The following TRIM44 variants were observed in gnomAD, a reference collection of about 807,000 sequenced individuals.
The protein encoded by TRIM44 is tripartite motif containing 44.
TRIM44 carries 13 observed loss-of-function variants against 37.4 expected under a neutral mutation model. The observed-to-expected ratio is 0.35, with a 90% confidence interval of 0.23 to 0.55. TRIM44 has a LOEUF of 0.55. TRIM44 is among the 20% of genes least tolerant of loss of function. The pLI, the probability that TRIM44 is intolerant of heterozygous loss-of-function variation, is 0.89. For missense variants in TRIM44, 426 were observed against 437.2 expected (o/e 0.97, Z 0.23); for synonymous variants, 175 against 157.2 (o/e 1.11, Z -0.85).
chr11:35,798,635 G>T (rs1853325893), intron 4 of TRIM44, among the ~76,000 whole-genome samples: 1 of 152,198 alleles, frequency 6.6e-6, no homozygotes, highest in African/African-American at 2.4e-5. Context: ...CATCCACAAT[G>T]ATGTGTGTCA....
At chr11:35,708,920 AAAAT>A (rs927735130) in intron 2 of TRIM44, among the ~76,000 whole-genome samples, 8 of 151,936 alleles carry the variant, frequency 5.3e-5, no homozygotes, top group African/African-American at 1.7e-4. Context: ...ATAATAATAA[AAAAT>A]AAATAAAAAA....
At chr11:35,796,948 G>A (rs1853300687) in intron 4 of TRIM44, among the ~76,000 whole-genome samples, 1 of 152,220 alleles carries the variant, frequency 6.6e-6, no homozygotes, top group African/African-American at 2.4e-5. Context: ...GGGAAAATGG[G>A]CATTCCTGTG....
chr11:35,775,892 T>C (rs573336316), intron 4 of TRIM44, among the ~76,000 whole-genome samples: 383 of 152,354 alleles, frequency 2.5e-3, no homozygotes, highest in Non-Finnish European at 4.6e-3. Context: ...TTGAGGATTT[T>C]TGCATCGATG....
At chr11:35,697,530 G>A (rs1443522416) in intron 2 of TRIM44, among the ~76,000 whole-genome samples, 1 of 150,136 alleles carries the variant, frequency 6.7e-6, no homozygotes, top group Non-Finnish European at 1.5e-5. Context: ...GTATACATGT[G>A]CCACGTTGGT....
rs1851284574 is a variant in TRIM44 at position 35,662,845 on chromosome 11, C to A, written c.-267C>A. ...GGCGCGACGCGGGGGCCGACGGGGG[C>A]GCCGGGTGGCCGCGCCGGAAGTGCC... On this transcript the variant is annotated 5_prime_UTR_variant, in exon 1 of 5. Transcript: ENST00000299413. 1 of 359,926 alleles carries A rather than the reference C, an allele frequency of 2.8e-6. No individual in the cohort carries two copies. The highest frequency in any genetic ancestry group is 4.6e-6 in the Non-Finnish European group (1 of 219,118). 22.3% of individuals were successfully genotyped at this position (359,926 alleles called of 1,614,324 possible).
chr11:35,664,285 C>A (rs1398413165), intron 1 of TRIM44, among the ~76,000 whole-genome samples: 1 of 152,162 alleles, frequency 6.6e-6, no homozygotes, highest in African/African-American at 2.4e-5. Context: ...TTAGATTCTT[C>A]GTGTTTGAAA....
At chr11:35,677,859 C>T (rs1851476696) in intron 1 of TRIM44, among the ~76,000 whole-genome samples, 1 of 152,070 alleles carries the variant, frequency 6.6e-6, no homozygotes, top group South Asian at 2.1e-4. Context: ...AATAAACAAA[C>T]TGGGGAAGGA....
At chr11:35,697,398 C>A (rs1297912971) in intron 2 of TRIM44, among the ~76,000 whole-genome samples, 7 of 145,736 alleles carry the variant, frequency 4.8e-5, no homozygotes, top group African/African-American at 1.3e-4. Context: ...TAAACTCATC[C>A]TTTTTTATGG....
At position 35,774,396 on chromosome 11, in the gene TRIM44, A is replaced by G. The variant is rs181102513; in HGVS notation, c.1008-31962A>G. 1.6e-3 allele frequency among the ~76,000 whole-genome samples: 249 copies of G among 152,138 alleles called. 1 individual carries two copies. The highest frequency in any genetic ancestry group is 0.012 in the South Asian group (59 of 4,824). ...CCTTGTCAGATGGGTAGATTGTAAA[A>G]ATTTTCTCCCATTCTGTAGGTTGCC... On this transcript the variant is annotated intron_variant, in intron 4 of 4. Coordinates refer to ENST00000299413, the MANE Select transcript of TRIM44 (RefSeq NM_017583.6).
rs1217123594 is a variant in TRIM44, at chr11:35,707,614, C to T, written c.748-18310C>T. Among the ~76,000 whole-genome samples the T allele has an allele frequency of 7.4e-5, 11 of 147,748 alleles. 1 individual carries two copies. On this transcript the variant is annotated intron_variant, in intron 2 of 4. Coordinates refer to ENST00000299413, the MANE Select transcript of TRIM44 (RefSeq NM_017583.6). ...AGCCCTCAGAAATAACGCCGCATAT[C>T]TACAACTATCTGTTCTTTGACAAAC...
At chr11:35,667,978 G>A (rs1347650847) in intron 1 of TRIM44, among the ~76,000 whole-genome samples, 1 of 152,096 alleles carries the variant, frequency 6.6e-6, no homozygotes, top group African/African-American at 2.4e-5. Context: ...ATAGTCTGAG[G>A]CAGAGTGTAG....
In TRIM44 at chr11:35,709,375, C is replaced by G. The variant is rs528196242; in HGVS notation, c.748-16549C>G. ...TCTCAGATTCCCTTGATTAACCTAG[C>G]CAATGATTTTTCCTACCTAAGTGGG... On this transcript the variant is annotated intron_variant, in intron 2 of 4. Transcript: ENST00000299413. Among the ~76,000 whole-genome samples the G allele has an allele frequency of 4.1e-4, 62 of 152,172 alleles. 1 individual carries two copies. The South Asian group carries it at 0.013, about 31-fold the overall frequency.
rs938420433 is a variant in TRIM44, at chr11:35,725,820, A to T, written c.748-104A>T. On this transcript the variant is annotated intron_variant, in intron 2 of 4. Transcript: ENST00000299413. ...TATTCCCAAAACTTTAGGATTGGATAGGATCCATGGTGTGTATTTTGGCCA... is the reference window on the plus strand; with the variant it reads ...TATTCCCAAAACTTTAGGATTGGATTGGATCCATGGTGTGTATTTTGGCCA... The T allele has an allele frequency of 1.9e-5, 22 of 1,159,976 alleles. No homozygotes were observed. In the Admixed American group the frequency reaches 3.6e-4, roughly 19 times the overall value. 71.9% of individuals were successfully genotyped at this position (1,159,976 alleles called of 1,614,324 possible). A position where few individuals can be genotyped will look rare whatever the true frequency, so the allele number is the denominator to read the frequency against.
chr11:35,702,614 G>T (rs145937808), intron 2 of TRIM44, among the ~76,000 whole-genome samples: 1,992 of 152,294 alleles, frequency 0.013, 143 homozygotes, highest in Admixed American at 0.11. Context: ...GAACTTTCTG[G>T]TGTTGCCATG....
At chr11:35,740,931 C>CT (rs577836040) in intron 4 of TRIM44, among the ~76,000 whole-genome samples, 9 of 152,014 alleles carry the variant, frequency 5.9e-5, no homozygotes, top group Non-Finnish European at 1.0e-4. Flanking sequence ...ATTCTAGGTA[C>CT]TTTTTTTCCC....
intron 2 of TRIM44, among the ~76,000 whole-genome samples, chr11:35,705,103 G>A (rs1429910433): frequency 1.3e-5 from 2 of 148,310 alleles, no homozygotes; most frequent in African/African-American, 2.5e-5. Context: ...AAAGGCAGGG[G>A]TTGCAATCCT....
chr11:35,786,487 C>T (rs942554989), intron 4 of TRIM44, among the ~76,000 whole-genome samples: 1 of 152,202 alleles, frequency 6.6e-6, no homozygotes, highest in Admixed American at 6.5e-5. Flanking sequence ...ACTACTACCA[C>T]CTCATTAACC....
chr11:35,719,638 C>CT (rs2135512529), intron 2 of TRIM44, among the ~76,000 whole-genome samples: 1 of 152,114 alleles, frequency 6.6e-6, no homozygotes, highest in South Asian at 2.1e-4. Flanking sequence ...GGTCATCTAG[C>CT]TTTTTTAAAA....
intron 4 of TRIM44, among the ~76,000 whole-genome samples, chr11:35,794,101 C>G (rs1003352440): frequency 6.6e-6 from 1 of 152,152 alleles, no homozygotes; most frequent in Non-Finnish European, 1.5e-5. Flanking sequence ...TAGTTGTGTG[C>G]TTTTTCCATG....
Sources: gnomAD v4.1 joint callset for allele counts (sites outside exome capture counted in the v4.1 genomes callset) on GRCh38, gnomAD v4.1.1 for gene constraint, MANE v1.5 for transcripts, NCBI Gene and HGNC (gene_info 2026-07-23, HGNC 2026-07-21) for gene names.